The following AKR1C3 variants were observed in gnomAD, a reference collection of about 807,000 sequenced individuals.
AKR1C3 encodes aldo-keto reductase family 1 member C3, also known as 3-alpha hydroxysteroid dehydrogenase, type II.
Under a neutral mutation model 43.6 loss-of-function variants are expected in AKR1C3, and 48 were observed. The observed-to-expected ratio is 1.10, with a 90% CI of 0.87 to 1.40. The LOEUF is 1.40. Among genes scored for constraint, AKR1C3 ranks in the 40% most tolerant of loss-of-function variants. AKR1C3 has a pLI of 0.00. For missense variants in AKR1C3, 482 were observed against 391.2 expected, an observed-to-expected ratio of 1.23 and a Z score of -1.96; for synonymous variants, 162 against 139.6, an observed-to-expected ratio of 1.16 and a Z score of -1.13.
rs192311229 is a variant in AKR1C3 at position 5,106,134 on chromosome 10, C to T, written c.929+457C>T. Among the ~76,000 whole-genome samples, 184 of 152,268 alleles carry T rather than the reference C, an allele frequency of 1.2e-3. 1 individual carries two copies. Among genetic ancestry groups the T allele is most frequent in the African/African-American group, 4.2e-3 (174 of 41,556 alleles). On this transcript the variant is annotated intron_variant, in intron 8 of 8. Coordinates refer to ENST00000380554, the MANE Select transcript of AKR1C3 (RefSeq NM_003739.6). Reference sequence around the variant, plus strand: ...CACCTCCTTCATATGGAATTGCTTGCTAGATCCTGTCAATTCAGCATCTTT... The same window carrying T: ...CACCTCCTTCATATGGAATTGCTTGTTAGATCCTGTCAATTCAGCATCTTT...
rs576054634 is a variant in AKR1C3, at chr10:5,083,605, G to C, written c.85-12805G>C. ...TGGGTATATACCCAGTAATGGGATGGCTGGGTCAAATGGTATTTCTAGTTC... is the reference window on the plus strand; with the variant it reads ...TGGGTATATACCCAGTAATGGGATGCCTGGGTCAAATGGTATTTCTAGTTC... On this transcript the variant is annotated intron_variant, in intron 1 of 8. Transcript: ENST00000439082. Among the ~76,000 whole-genome samples the C allele has an allele frequency of 3.3e-5, 5 of 152,294 alleles. No homozygotes were observed. In the East Asian group the frequency reaches 9.6e-4, roughly 29 times the overall value.
rs1554781389 is a variant in AKR1C3, at chr10:5,072,225, T to A, written c.84+23330T>A. 2.0e-5 allele frequency among the ~76,000 whole-genome samples: 3 copies of A among 152,204 alleles called. No individual in the cohort carries two copies. In the East Asian group the frequency reaches 5.8e-4, roughly 29 times the overall value. On this transcript the variant is annotated intron_variant, in intron 1 of 8. Coordinates refer to the AKR1C3 transcript ENST00000439082. ...AAACCCTGGCATAAGTCAAAATAAA[T>A]GCTTATATTTGATCACTAAAATACG...
chr10:5,060,059 G>C (rs1341187011), intron 1 of AKR1C3, among the ~76,000 whole-genome samples: 1 of 152,104 alleles, frequency 6.6e-6, no homozygotes, highest in African/African-American at 2.4e-5. Flanking sequence ...GAGCTCTTAA[G>C]GTGGAACGTC....
At chr10:5,089,398 G>A (rs554250967) in intron 1 of AKR1C3, among the ~76,000 whole-genome samples, 1 of 151,858 alleles carries the variant, frequency 6.6e-6, no homozygotes, top group South Asian at 2.1e-4. Flanking sequence ...AGATTTGATG[G>A]CTTTATATAA....
intron 1 of AKR1C3, among the ~76,000 whole-genome samples, chr10:5,074,745 T>C (rs1429496479): frequency 2.6e-5 from 4 of 152,156 alleles, no homozygotes; most frequent in Admixed American, 1.3e-4. Context: ...ACCTCCCCCA[T>C]ATTTTGTCCA....
At chr10:5,089,126 G>A (rs1839032466) in intron 1 of AKR1C3, among the ~76,000 whole-genome samples, 1 of 151,938 alleles carries the variant, frequency 6.6e-6, no homozygotes, top group Non-Finnish European at 1.5e-5. Flanking sequence ...TAGTATAATA[G>A]GATTTTCTTT....
At chr10:5,053,257 G>T (rs1458595753) in intron 1 of AKR1C3, among the ~76,000 whole-genome samples, 1 of 152,236 alleles carries the variant, frequency 6.6e-6, no homozygotes, top group Non-Finnish European at 1.5e-5. Context: ...AGAGGCTCAG[G>T]CATGGTGGGC....
chr10:5,092,724 T>G (rs782210860), upstream of AKR1C3, among the ~76,000 whole-genome samples: 1 of 152,056 alleles, frequency 6.6e-6, no homozygotes, highest in African/African-American at 2.4e-5. Flanking sequence ...TTCCATATTT[T>G]TAATTGGAAA....
In AKR1C3 at chr10:5,057,790, T is replaced by C. The variant is rs916743449; in HGVS notation, c.84+8895T>C. On this transcript the variant is annotated intron_variant, in intron 1 of 8. Coordinates refer to the AKR1C3 transcript ENST00000439082. ...CTTTCTTCGGCTGTCATGCTATCAT[T>C]TACTGACTAAGATACCACATATCTC... is the stretch of plus-strand genomic sequence containing the variant. Among the ~76,000 whole-genome samples, 14 of 152,286 alleles carry C rather than the reference T, an allele frequency of 9.2e-5. No individual in the cohort carries two copies. In the East Asian group the frequency reaches 2.1e-3, roughly 23 times the overall value.
upstream of AKR1C3, among the ~76,000 whole-genome samples, chr10:5,091,102 G>A (rs1463697820): frequency 6.6e-6 from 1 of 151,860 alleles, no homozygotes; most frequent in Non-Finnish European, 1.5e-5. Flanking sequence ...GGGACCAGAC[G>A]ATTGAGCAAC....
chr10:5,090,263 C>G (rs1374605127), upstream of AKR1C3, among the ~76,000 whole-genome samples: 4 of 152,094 alleles, frequency 2.6e-5, no homozygotes, highest in Admixed American at 6.6e-5. Context: ...GTGATGAGCA[C>G]AGGCACCAGC....
rs575256767 is a variant in AKR1C3, at chr10:5,084,520, G to A, written c.85-11890G>A. On this transcript the variant is annotated intron_variant, in intron 1 of 8. Coordinates refer to the AKR1C3 transcript ENST00000439082. ...TGAAGTCAGGTAGCATGATGCCTCC[G>A]GCTTTGTTCTTTTGGCTTAGGATTG... Among the ~76,000 whole-genome samples the A allele has an allele frequency of 5.0e-3, 753 of 152,044 alleles. 13 individuals carry two copies. The highest frequency in any genetic ancestry group is 0.014 in the African/African-American group (584 of 41,450).
intron 1 of AKR1C3, among the ~76,000 whole-genome samples, chr10:5,070,860 A>G (rs1205718559): frequency 4.6e-5 from 7 of 152,208 alleles, no homozygotes; most frequent in Admixed American, 4.6e-4. Flanking sequence ...CCTGATATTT[A>G]TAACTAACCA....
intron 1 of AKR1C3, among the ~76,000 whole-genome samples, chr10:5,086,964 G>A (rs1554783212): frequency 6.6e-6 from 1 of 152,122 alleles, no homozygotes; most frequent in African/African-American, 2.4e-5. Flanking sequence ...TTGAGCCTAT[G>A]TGTGTCTCTG....
chr10:5,089,649 GTTTC>G (rs1221867607), upstream of AKR1C3, among the ~76,000 whole-genome samples: 56 of 151,946 alleles, frequency 3.7e-4, no homozygotes, highest in African/African-American at 1.2e-3. Flanking sequence ...TGCTTTTGTA[GTTTC>G]TTTGTGTTTG....
Position 5,105,655 on chromosome 10 carries a change from C to A in AKR1C3, c.907C>A (p.Leu303Ile). 6.2e-7 allele frequency: 1 copy of A among 1,613,644 alleles called. No homozygotes were observed. Among genetic ancestry groups the A allele is most frequent in the Non-Finnish European group, 8.5e-7 (1 of 1,179,638 alleles). ...AGCCATAGATGGCCTAGACAGAAAT[C>A]TCCACTATTTTAACAGTGATAGGTA... ...MKAIDGLDRN[L>I]HYFNSDSFAS... Residue 303 changes from leucine to isoleucine, a missense_variant, in exon 8 of 9, where the codon CTC (leucine) becomes ATC (isoleucine). Coordinates refer to ENST00000380554, the MANE Select transcript of AKR1C3 (RefSeq NM_003739.6).
chr10:5,073,621 C>A (rs1179694985), intron 1 of AKR1C3, among the ~76,000 whole-genome samples: 2 of 152,176 alleles, frequency 1.3e-5, no homozygotes, highest in Admixed American at 6.5e-5. Context: ...GAATTGAAAA[C>A]CCCACCTTCT....
At chr10:5,105,536 A>G (rs1242203352) in intron 7 of AKR1C3, 59 bp from the exon 8 acceptor site, 2 of 1,285,674 alleles carry the variant, frequency 1.6e-6, no homozygotes, top group African/African-American at 3.0e-5. Flanking sequence ...ACTGTCTAAT[A>G]TACTTGGGGA....
rs1310052022 is a variant in AKR1C3, at chr10:5,097,464, G to A, written c.283G>A (p.Val95Ile). The change falls in exon 3 of 9, where the codon GTC becomes ATC. Residue 95 changes from valine (V) to isoleucine (I), a missense_variant. Transcript: ENST00000380554. ...LWSTFHRPEL[V>I]RPALENSLKK... The stretch of plus-strand genomic sequence containing the variant: ...GTCCACTTTTCATCGACCAGAGTTG[G>A]TCCGACCAGCCTTGGAAAACTCACT... The A allele has an allele frequency of 6.2e-7, 1 of 1,613,714 alleles. No homozygotes were observed. Among genetic ancestry groups the A allele is most frequent in the Non-Finnish European group, 8.5e-7 (1 of 1,179,780 alleles).
Sources: gnomAD v4.1 joint callset for allele counts (sites outside exome capture counted in the v4.1 genomes callset) on GRCh38, gnomAD v4.1.1 for gene constraint, MANE v1.5 for transcripts, NCBI Gene and HGNC (gene_info 2026-07-23, HGNC 2026-07-21) for gene names.